SYT7: variants seen among roughly 807,000 people sequenced by gnomAD.
SYT7 encodes synaptotagmin 7.
A neutral mutation model predicts 75.1 loss-of-function variants in SYT7; 29 were observed. That is an observed-to-expected ratio of 0.39 (90% CI 0.29 to 0.53). The LOEUF (loss-of-function observed/expected upper bound fraction) is 0.53, where lower values mean the gene tolerates loss of function less well. Ranked by LOEUF, SYT7 falls within the 20% of genes least tolerant of loss-of-function variation. SYT7 has a pLI of 0.77. For synonymous variants in SYT7, 376 were observed against 401.7 expected, an observed-to-expected ratio of 0.94 and a Z score of 0.76; for missense variants, 693 against 953.2, an observed-to-expected ratio of 0.73 and a Z score of 3.59.
chr11:61,550,113 C>T (rs1435713200), intron 3 of SYT7, among the ~76,000 whole-genome samples: 1 of 152,138 alleles, frequency 6.6e-6, no homozygotes, highest in Non-Finnish European at 1.5e-5. Context: ...GCTTTGAAGA[C>T]CGGAGTCTGG....
chr11:61,549,266 G>A (rs1031996136), intron 3 of SYT7, among the ~76,000 whole-genome samples: 3 of 152,070 alleles, frequency 2.0e-5, no homozygotes, highest in Admixed American at 2.0e-4. Flanking sequence ...TTTCCACTGC[G>A]GTACTGGAAA....
Position 61,546,309 on chromosome 11 carries a change from G to A in SYT7, c.348-54C>T. ...AGAGGGGCACCGGGGGTGGCGGTGGGGGAGAGAGGGCAGGCCATACGTGGG... is the reference window on the plus strand; with the variant it reads ...AGAGGGGCACCGGGGGTGGCGGTGGAGGAGAGAGGGCAGGCCATACGTGGG... On this transcript the variant is annotated intron_variant, in intron 4 of 12. Transcript: ENST00000539008. The surrounding 1 kb of genome is among the most constrained non-coding windows in gnomAD (Gnocchi z 7.6). The A allele has an allele frequency of 3.1e-6, 4 of 1,275,910 alleles. No homozygotes were observed. Among genetic ancestry groups the A allele is most frequent in the Non-Finnish European group, 4.1e-6 (4 of 970,260 alleles). The allele number at this position is 1,275,910 out of a possible 1,614,324, so 79.0% of individuals were successfully genotyped here. A position where few individuals can be genotyped will look rare whatever the true frequency, so the allele number is the denominator to read the frequency against.
At chr11:61,520,552 C>T (rs1027395548) in intron 12 of SYT7, among the ~76,000 whole-genome samples, 12 of 151,040 alleles carry the variant, frequency 7.9e-5, no homozygotes, top group African/African-American at 2.4e-4. Flanking sequence ...AGGTCAGGCA[C>T]GGTGGCTCCT....
chr11:61,578,147 T>TC (rs1371901267), intron 1 of SYT7, among the ~76,000 whole-genome samples: 1 of 152,164 alleles, frequency 6.6e-6, no homozygotes, highest in East Asian at 1.9e-4. Flanking sequence ...TTCACTGGAC[T>TC]CCGATTATTT....
chr11:61,533,607 T>G lies in SYT7; in HGVS notation c.1065-483A>C, dbSNP rs1368193784. ...GTCTGTTTCCCAGATGCCCCACCTG[T>G]GTTTGCTTGGGCTCATCAAGAGTTC... On this transcript the variant is annotated intron_variant, in intron 7 of 12. Transcript: ENST00000539008. 4.1e-6 allele frequency: 4 copies of G among 985,176 alleles called. No homozygotes were observed. The African/African-American group carries it at 7.0e-5, about 17-fold the overall frequency. 61.0% of individuals were successfully genotyped at this position (985,176 alleles called of 1,614,324 possible).
intron 2 of SYT7, among the ~76,000 whole-genome samples, chr11:61,555,121 C>A (rs1462069169): frequency 6.6e-6 from 1 of 152,182 alleles, no homozygotes; most frequent in Non-Finnish European, 1.5e-5. Flanking sequence ...CCACAGTGCT[C>A]CCCCCTTGTC....
At chr11:61,543,212 T>C (rs1232519313) in intron 5 of SYT7, among the ~76,000 whole-genome samples, 1 of 152,212 alleles carries the variant, frequency 6.6e-6, no homozygotes, top group African/African-American at 2.4e-5. Flanking sequence ...GCGTGGATCT[T>C]TGCCCTCTTT....
At chr11:61,540,650 G>A in intron 6 of SYT7, 1 of 985,580 alleles carries the variant, frequency 1.0e-6, no homozygotes, top group East Asian at 1.1e-4. Flanking sequence ...AGGCAGGGAA[G>A]AGATGGTACC....
chr11:61,575,463 C>T (rs1485308413), intron 1 of SYT7, among the ~76,000 whole-genome samples: 2 of 152,304 alleles, frequency 1.3e-5, no homozygotes, highest in South Asian at 2.1e-4. Context: ...ATCAGTTTGA[C>T]CCAGACACAT....
chr11:61,560,279 G>C (rs1303438598), intron 1 of SYT7, among the ~76,000 whole-genome samples: 1 of 152,190 alleles, frequency 6.6e-6, no homozygotes, highest in East Asian at 1.9e-4. Context: ...GGGTTGCCTG[G>C]AGTCTCTCTG....
At position 61,580,861 on chromosome 11, in the gene SYT7, G is replaced by A; in HGVS notation, c.-41C>T. On this transcript the variant is annotated 5_prime_UTR_variant, in exon 1 of 13. Transcript: ENST00000539008. This position sits in a 1 kb window ranked among gnomAD's most constrained non-coding sequence, Gnocchi z 6.1. Reference sequence around the variant, plus strand: ...GGTTCCCTCCGGGCTCCTCAGAGCCGCCCGCGGCCGCGCGCTGCTCCGCCG... The same window carrying A: ...GGTTCCCTCCGGGCTCCTCAGAGCCACCCGCGGCCGCGCGCTGCTCCGCCG... The A allele has an allele frequency of 8.4e-7, 1 of 1,184,946 alleles. No homozygotes were observed. Among genetic ancestry groups the A allele is most frequent in the East Asian group, 3.8e-5 (1 of 26,598 alleles). The allele number at this position is 1,184,946 out of a possible 1,614,324, so 73.4% of individuals were successfully genotyped here.
upstream of SYT7, among the ~76,000 whole-genome samples, chr11:61,582,085 T>TACACAC (rs36109978): frequency 4.7e-5 from 7 of 147,792 alleles, no homozygotes; most frequent in Middle Eastern, 3.4e-3. Flanking sequence ...ATCACCTACA[T>TACACAC]ACACACACAC....
At chr11:61,536,433 C>T (rs2062872416) in intron 7 of SYT7, among the ~76,000 whole-genome samples, 1 of 152,286 alleles carries the variant, frequency 6.6e-6, no homozygotes, top group African/African-American at 2.4e-5. Context: ...TCTTAGTGGG[C>T]GTTCAGAGGA....
At chr11:61,565,229 C>A (rs370790850) in intron 1 of SYT7, among the ~76,000 whole-genome samples, 5 of 152,174 alleles carry the variant, frequency 3.3e-5, no homozygotes, top group Admixed American at 1.3e-4. Context: ...GAAGCACCCT[C>A]CATGCGCATG....
intron 6 of SYT7, chr11:61,540,602 A>C (rs2063012587): frequency 2.0e-6 from 2 of 985,524 alleles, no homozygotes; most frequent in Non-Finnish European, 2.4e-6. Context: ...TGTTGCATGC[A>C]TGATGCTGGA....
chr11:61,533,327 AC>A, intron 7 of SYT7: 1 of 985,130 alleles, frequency 1.0e-6, no homozygotes, highest in African/African-American at 1.7e-5. Flanking sequence ...TGCAGCCTCT[AC>A]CCCAGGCGAC....
At chr11:61,577,938 G>T (rs939487931) in intron 1 of SYT7, among the ~76,000 whole-genome samples, 1 of 152,178 alleles carries the variant, frequency 6.6e-6, no homozygotes, top group East Asian at 1.9e-4. Context: ...CAGGCCTGCT[G>T]GGGCCTGCCT....
upstream of SYT7, among the ~76,000 whole-genome samples, chr11:61,582,459 A>T (rs1159010816): frequency 6.6e-6 from 1 of 151,942 alleles, no homozygotes; most frequent in Non-Finnish European, 1.5e-5. Flanking sequence ...ACACACACAC[A>T]AACAGACCCC....
chr11:61,533,181 C>T, intron 7 of SYT7, 57 bp from the exon 8 acceptor site: 1 of 1,502,900 alleles, frequency 6.7e-7, no homozygotes, highest in South Asian at 1.3e-5. Context: ...CGTTGGGCAC[C>T]CCGGCCTGGG....
Sources: gnomAD v4.1 joint callset for allele counts (sites outside exome capture counted in the v4.1 genomes callset) on GRCh38, gnomAD v4.1.1 for gene constraint, Gnocchi (gnomAD v3.1) non-coding constraint, MANE v1.5 for transcripts, NCBI Gene and HGNC (gene_info 2026-07-23, HGNC 2026-07-21) for gene names.